ROBO2: variants seen among roughly 807,000 people sequenced by gnomAD.
The protein encoded by ROBO2 is roundabout guidance receptor 2, also known as roundabout homolog 2.
A neutral mutation model predicts 160.8 loss-of-function variants in ROBO2; 53 were observed. The observed-to-expected ratio is 0.33, with a 90% CI of 0.26 to 0.41. ROBO2 has a LOEUF of 0.41. Ranked by LOEUF, ROBO2 falls within the 10% of genes least tolerant of loss-of-function variation. The pLI, the probability that ROBO2 is intolerant of heterozygous loss-of-function variation, is 1.00. For missense variants in ROBO2, 1,577 were observed against 1,722.4 expected (o/e 0.92, Z 1.49); for synonymous variants, 664 against 611.7 (o/e 1.09, Z -1.26).
intron 2 of ROBO2, among the ~76,000 whole-genome samples, chr3:77,007,851 A>T (rs1293814891): frequency 6.6e-6 from 1 of 152,060 alleles, no homozygotes; most frequent in African/African-American, 2.4e-5. Flanking sequence ...TTTAATTAAA[A>T]TCATTATCCA....
At chr3:76,313,538 A>G (rs1055263170) in intron 2 of ROBO2, among the ~76,000 whole-genome samples, 5 of 152,206 alleles carry the variant, frequency 3.3e-5, no homozygotes, top group Admixed American at 2.0e-4. Flanking sequence ...AGAATGAGTC[A>G]TGTTAAATTA....
chr3:76,185,195 G>GAGATATATATATATATATATATATAT (rs1701687300), intron 2 of ROBO2, among the ~76,000 whole-genome samples: 1 of 44,496 alleles, frequency 2.2e-5, no homozygotes, highest in East Asian at 9.9e-4. Context: ...AGTAAACACA[G>GAGATATATATATATATATATATATAT]ATATATATAT....
intron 2 of ROBO2, among the ~76,000 whole-genome samples, chr3:76,360,001 A>G (rs1259122494): frequency 6.6e-6 from 1 of 152,048 alleles, no homozygotes; most frequent in Non-Finnish European, 1.5e-5. Context: ...ATCATCTTTG[A>G]CCCTGAATTG....
At chr3:76,576,581 T>G (rs1485569553) in intron 2 of ROBO2, among the ~76,000 whole-genome samples, 1 of 152,070 alleles carries the variant, frequency 6.6e-6, no homozygotes, top group Non-Finnish European at 1.5e-5. Flanking sequence ...TTTTAAGAGC[T>G]TCCAAAAGCA....
intron 2 of ROBO2, among the ~76,000 whole-genome samples, chr3:77,371,822 C>T (rs1361847999): frequency 1.3e-5 from 2 of 152,184 alleles, no homozygotes; most frequent in Admixed American, 6.5e-5. Context: ...TACCGTTAAA[C>T]ACTTTCATTC....
chr3:77,003,435 T>C (rs1203190983), intron 2 of ROBO2, among the ~76,000 whole-genome samples: 1 of 152,228 alleles, frequency 6.6e-6, no homozygotes, highest in African/African-American at 2.4e-5. Context: ...TACTCAGTGC[T>C]CAACACAAGA....
intron 15 of ROBO2, among the ~76,000 whole-genome samples, chr3:77,578,206 CAT>C (rs1383106278): frequency 2.0e-5 from 3 of 152,006 alleles, no homozygotes; most frequent in African/African-American, 7.2e-5. Context: ...TGTTTAGAAA[CAT>C]ATGTATCTAT....
chr3:76,102,875 T>A (rs546048295), intron 2 of ROBO2, among the ~76,000 whole-genome samples: 14 of 151,312 alleles, frequency 9.3e-5, no homozygotes, highest in South Asian at 2.1e-4. Context: ...CCCAGGCTGG[T>A]GTGCAGTGGT....
At chr3:77,370,627 T>A (rs943618273) in intron 2 of ROBO2, among the ~76,000 whole-genome samples, 17 of 152,254 alleles carry the variant, frequency 1.1e-4, no homozygotes. Context: ...ATGCCAGGTC[T>A]GGCCCACTGC....
intron 1 of ROBO2, among the ~76,000 whole-genome samples, chr3:77,080,613 C>G (rs762706010): frequency 4.3e-4 from 66 of 152,072 alleles, no homozygotes; most frequent in South Asian, 1.0e-3. Context: ...AAGTTACTTA[C>G]AGGAGAAAAA....
At chr3:76,809,591 G>A (rs1344009605) in intron 2 of ROBO2, among the ~76,000 whole-genome samples, 1 of 152,148 alleles carries the variant, frequency 6.6e-6, no homozygotes, top group Non-Finnish European at 1.5e-5. Context: ...AACTTTAGGA[G>A]TCACAAAATA....
intron 2 of ROBO2, among the ~76,000 whole-genome samples, chr3:77,243,585 T>C (rs769658864): frequency 6.6e-6 from 1 of 152,196 alleles, no homozygotes; most frequent in Non-Finnish European, 1.5e-5. Context: ...CCCTCCATTT[T>C]TCTTGGGAGA....
At chr3:77,386,034 A>C (rs2074062673) in intron 2 of ROBO2, among the ~76,000 whole-genome samples, 2 of 152,334 alleles carry the variant, frequency 1.3e-5, no homozygotes, top group South Asian at 4.1e-4. Flanking sequence ...TCTAATAATA[A>C]CTAATGCATA....
rs1422796737 is a variant in ROBO2 at position 76,247,872 on chromosome 3, C to CA, written c.109+310276dup. Among the ~76,000 whole-genome samples, 6 of 151,466 alleles carry CA rather than the reference C, an allele frequency of 4.0e-5. No homozygotes were observed. The East Asian group carries it at 1.2e-3, about 29-fold the overall frequency. The stretch of plus-strand genomic sequence containing the variant: ...TCTCAAAAGAAGACATTTATGCAGC[C>CA]AAAAAACACATGAAAAAATGCTCAC... On this transcript the variant is annotated intron_variant, in intron 2 of 26. Coordinates refer to the ROBO2 transcript ENST00000487694.
chr3:76,240,733 T>C (rs1408266244), intron 2 of ROBO2, among the ~76,000 whole-genome samples: 3 of 152,108 alleles, frequency 2.0e-5, no homozygotes, highest in Non-Finnish European at 4.4e-5. Flanking sequence ...TAGATACATA[T>C]ACAAGAGATA....
At chr3:76,693,559 G>A (rs2092860257) in intron 2 of ROBO2, among the ~76,000 whole-genome samples, 1 of 151,904 alleles carries the variant, frequency 6.6e-6, no homozygotes, top group Admixed American at 6.6e-5. Flanking sequence ...GATTTTGGAG[G>A]CGGAGAAGTC....
intron 2 of ROBO2, among the ~76,000 whole-genome samples, chr3:76,700,173 C>A (rs1288258108): frequency 6.6e-6 from 1 of 152,116 alleles, no homozygotes. Context: ...CCTCCCTTCT[C>A]TTCTTATTCT....
chr3:77,437,789 C>G (rs1006716761), intron 2 of ROBO2, among the ~76,000 whole-genome samples: 1 of 151,878 alleles, frequency 6.6e-6, no homozygotes, highest in African/African-American at 2.4e-5. Flanking sequence ...AAGAAGCCTT[C>G]CATCAAAAAT....
intron 2 of ROBO2, among the ~76,000 whole-genome samples, chr3:76,354,195 G>C (rs1220585118): frequency 6.6e-6 from 1 of 151,896 alleles, no homozygotes; most frequent in Non-Finnish European, 1.5e-5. Flanking sequence ...AAACTGAGCA[G>C]TTCATATATG....
Sources: allele counts gnomAD v4.1 joint callset (sites outside exome capture counted in the v4.1 genomes callset), GRCh38; gene constraint gnomAD v4.1.1; transcripts MANE v1.5; gene names NCBI Gene and HGNC (gene_info 2026-07-23, HGNC 2026-07-21).